Variants in SLC39A8 observed in about 807,000 individuals in gnomAD.
The protein encoded by SLC39A8 is solute carrier family 39 member 8, also known as metal cation symporter ZIP8.
A neutral mutation model predicts 40.4 loss-of-function variants in SLC39A8; 15 were observed. The observed-to-expected ratio is 0.37, with a 90% CI of 0.25 to 0.57. The LOEUF (loss-of-function observed/expected upper bound fraction) is 0.57. Among genes scored for constraint, SLC39A8 ranks in the 20% least tolerant of loss-of-function variants. The probability of loss-of-function intolerance (pLI) is 0.75; values close to 1 mark genes in which losing one functional copy is unlikely to be tolerated. For missense variants in SLC39A8, 472 were observed against 558.8 expected, an observed-to-expected ratio of 0.84 and a Z score of 1.57; for synonymous variants, 223 against 221.6, an observed-to-expected ratio of 1.01 and a Z score of -0.06.
intron 2 of SLC39A8, among the ~76,000 whole-genome samples, chr4:102,331,443 G>C (rs562134408): frequency 2.0e-4 from 31 of 152,158 alleles, no homozygotes; most frequent in Non-Finnish European, 4.4e-4. Context: ...AAAATACCTA[G>C]GAATACAGCT....
chr4:102,318,261 A>G (rs1354837503), intron 2 of SLC39A8, among the ~76,000 whole-genome samples: 1 of 152,186 alleles, frequency 6.6e-6, no homozygotes, highest in Non-Finnish European at 1.5e-5. Context: ...TTAGCTGGAC[A>G]GGTGGTCAGG....
At chr4:102,342,732 C>A (rs756129381) in intron 2 of SLC39A8, among the ~76,000 whole-genome samples, 1 of 152,256 alleles carries the variant, frequency 6.6e-6, no homozygotes, top group East Asian at 1.9e-4. Context: ...AACAGAGAAT[C>A]GTATTACTGG....
rs186845397 is a variant in SLC39A8 at position 102,277,437 on chromosome 4, G to A, written c.841-9358C>T. On this transcript the variant is annotated intron_variant, in intron 6 of 8. Transcript: ENST00000356736. Reference sequence around the variant, plus strand: ...CCTAGGAATACAACTTACAAGGGATGTGAAGGACCTCTTCAAGGAGAACTA... The same window carrying A: ...CCTAGGAATACAACTTACAAGGGATATGAAGGACCTCTTCAAGGAGAACTA... 5.3e-5 allele frequency among the ~76,000 whole-genome samples: 8 copies of A among 152,282 alleles called. No homozygotes were observed. In the East Asian group the frequency reaches 1.5e-3, roughly 29 times the overall value.
At chr4:102,256,995 A>C (rs1218259256), downstream of SLC39A8, among the ~76,000 whole-genome samples, 1 of 152,208 alleles carries the variant, frequency 6.6e-6, no homozygotes, top group Non-Finnish European at 1.5e-5. Context: ...AAGGAGGGGA[A>C]TCTACAGGCA....
intron 2 of SLC39A8, among the ~76,000 whole-genome samples, chr4:102,322,080 C>T (rs1376521225): frequency 2.0e-5 from 3 of 152,170 alleles, no homozygotes. Flanking sequence ...AGTAACAGAC[C>T]TCCTTACTGC....
At chr4:102,277,960 C>T (rs1021181193) in intron 6 of SLC39A8, among the ~76,000 whole-genome samples, 3 of 152,162 alleles carry the variant, frequency 2.0e-5, no homozygotes, top group Non-Finnish European at 4.4e-5. Flanking sequence ...TGGACCCCTT[C>T]CTTACACTTT....
At position 102,304,339 on chromosome 4, in the gene SLC39A8, T is replaced by C. The variant is rs1237805556; in HGVS notation, c.818A>G (p.Asn273Ser). ...TEANGHIHFDNVSVVSLQDGK... is the reference protein window; with the variant it reads ...TEANGHIHFDSVSVVSLQDGK... Reference sequence around the variant, plus strand: ...TACCTGTAGAGATACCACACTGACATTATCAAAATGGATATGTCCATTAGC... The same window carrying C: ...TACCTGTAGAGATACCACACTGACACTATCAAAATGGATATGTCCATTAGC... Residue 273 changes from asparagine (N) to serine (S), a missense_variant, in exon 6 of 9, where the codon AAT (asparagine) becomes AGT (serine). Coordinates refer to ENST00000356736, the MANE Select transcript of SLC39A8 (RefSeq NM_001135146.2). 6.2e-7 allele frequency: 1 copy of C among 1,610,978 alleles called. No homozygotes were observed. The highest frequency in any genetic ancestry group is 1.3e-5 in the African/African-American group (1 of 74,870).
intron 2 of SLC39A8, among the ~76,000 whole-genome samples, chr4:102,316,471 C>T (rs1324556016): frequency 6.6e-6 from 1 of 152,052 alleles, no homozygotes; most frequent in African/African-American, 2.4e-5. Flanking sequence ...TAACTATTAA[C>T]AAGGACTAGA....
intron 2 of SLC39A8, among the ~76,000 whole-genome samples, chr4:102,333,796 C>G (rs147194253): frequency 6.6e-6 from 1 of 152,086 alleles, no homozygotes; most frequent in Non-Finnish European, 1.5e-5. Flanking sequence ...TGAAGATATA[C>G]AGAAAGAGTG....
intron 6 of SLC39A8, among the ~76,000 whole-genome samples, chr4:102,275,310 C>T (rs13126523): frequency 2.3e-5 from 3 of 129,864 alleles, no homozygotes; most frequent in African/African-American, 5.8e-5. Context: ...AAAAACAAAA[C>T]AAAAAAGCAG....
At chr4:102,296,999 C>T (rs920681964) in intron 6 of SLC39A8, among the ~76,000 whole-genome samples, 1 of 151,976 alleles carries the variant, frequency 6.6e-6, no homozygotes, top group South Asian at 2.1e-4. Context: ...ACTCTGAAGG[C>T]GGAGTGGGAG....
At chr4:102,274,117 G>A (rs1394965845) in intron 6 of SLC39A8, among the ~76,000 whole-genome samples, 2 of 152,154 alleles carry the variant, frequency 1.3e-5, no homozygotes, top group East Asian at 3.9e-4. Context: ...ATTGACAGAA[G>A]TAGGCTTCAG....
chr4:102,329,631 A>G (rs1735360656), intron 2 of SLC39A8, among the ~76,000 whole-genome samples: 2 of 151,944 alleles, frequency 1.3e-5, no homozygotes, highest in African/African-American at 2.4e-5. Flanking sequence ...TCAAAAAAAA[A>G]AAAAAAAAAA....
intron 3 of SLC39A8, among the ~76,000 whole-genome samples, chr4:102,314,303 C>T (rs1415051953): frequency 1.3e-5 from 2 of 152,038 alleles, no homozygotes; most frequent in Non-Finnish European, 2.9e-5. Flanking sequence ...TCCTGGCAAT[C>T]GCTTCCTGAC....
chr4:102,277,493 C>G (rs191761315), intron 6 of SLC39A8, among the ~76,000 whole-genome samples: 2 of 152,028 alleles, frequency 1.3e-5, no homozygotes, highest in Non-Finnish European at 2.9e-5. Context: ...TAAGAGAGGA[C>G]GCAAACAAAT....
intron 6 of SLC39A8, among the ~76,000 whole-genome samples, chr4:102,297,289 A>T (rs7699390): frequency 6.6e-6 from 1 of 151,872 alleles, no homozygotes; most frequent in Admixed American, 6.6e-5. Context: ...CTGCACTTCA[A>T]TCCTAATGTG....
chr4:102,333,580 A>G (rs1735556268), intron 2 of SLC39A8, among the ~76,000 whole-genome samples: 1 of 152,224 alleles, frequency 6.6e-6, no homozygotes. Flanking sequence ...CAAAACAGGA[A>G]TACCAAAAGG....
chr4:102,256,153 A>C (rs1186695353), intron 11 of SLC39A8, among the ~76,000 whole-genome samples: 1 of 152,142 alleles, frequency 6.6e-6, no homozygotes, highest in Non-Finnish European at 1.5e-5. Context: ...ACATACAATG[A>C]CTCCCAAAGA....
chr4:102,335,578 T>C (rs1328782181), intron 2 of SLC39A8, among the ~76,000 whole-genome samples: 1 of 152,180 alleles, frequency 6.6e-6, no homozygotes, highest in Admixed American at 6.5e-5. Context: ...CCCCAAACAT[T>C]CACATTTCAG....
Sources: gnomAD v4.1 joint callset for allele counts (sites outside exome capture counted in the v4.1 genomes callset) on GRCh38, gnomAD v4.1.1 for gene constraint, MANE v1.5 for transcripts, NCBI Gene and HGNC (gene_info 2026-07-23, HGNC 2026-07-21) for gene names.